Variants in PABPC4L observed in about 807,000 individuals in gnomAD.
PABPC4L encodes the protein polyadenylate-binding protein 4-like.
For synonymous variants in PABPC4L, 169 were observed against 164.1 expected (o/e 1.03, Z -0.23); for missense variants, 452 against 451.4 (o/e 1.00, Z -0.01).
the PABPC4L span, among the ~76,000 whole-genome samples, chr4:134,090,893 A>G: frequency 1.3e-5 from 2 of 152,108 alleles, no homozygotes; most frequent in South Asian, 2.1e-4. Context: ...TGGATTTTCT[A>G]TTGCATTTCC....
chr4:134,126,879 A>G, the PABPC4L span, among the ~76,000 whole-genome samples: 1 of 152,070 alleles, frequency 6.6e-6, no homozygotes, highest in East Asian at 1.9e-4. Context: ...AGCCTGGGGC[A>G]AGTTCTCAGC....
At chr4:134,192,443 C>G (rs1729536323), downstream of PABPC4L, among the ~76,000 whole-genome samples, 1 of 151,926 alleles carries the variant, frequency 6.6e-6, no homozygotes, top group Admixed American at 6.6e-5. Flanking sequence ...GGAAATGTCC[C>G]AAAATTAAAT....
the PABPC4L span, among the ~76,000 whole-genome samples, chr4:133,968,288 A>C: frequency 6.6e-6 from 1 of 152,198 alleles, no homozygotes; most frequent in African/African-American, 2.4e-5. Flanking sequence ...GAGGTCTTAG[A>C]ATAATCTCAT....
the PABPC4L span, among the ~76,000 whole-genome samples, chr4:134,032,186 G>A: frequency 1.3e-5 from 2 of 151,790 alleles, no homozygotes; most frequent in African/African-American, 4.8e-5. Flanking sequence ...CCATAGCAAA[G>A]GCACAATTCC....
the PABPC4L span, among the ~76,000 whole-genome samples, chr4:134,064,941 G>T: frequency 4.7e-4 from 72 of 151,730 alleles, no homozygotes; most frequent in Non-Finnish European, 8.7e-4. Flanking sequence ...GTTTTTTTTG[G>T]CTGTGTAGTA....
At chr4:133,980,763 T>TA in the PABPC4L span, among the ~76,000 whole-genome samples, 71 of 152,118 alleles carry the variant, frequency 4.7e-4, no homozygotes, top group Middle Eastern at 3.4e-3. Flanking sequence ...TTATTAACTT[T>TA]AAAAAAAATG....
At chr4:134,078,019 AAGAT>A in the PABPC4L span, among the ~76,000 whole-genome samples, 6 of 152,222 alleles carry the variant, frequency 3.9e-5, no homozygotes, top group African/African-American at 1.4e-4. Context: ...CAGGACAAAA[AAGAT>A]ATTTAAAAAA....
At chr4:134,011,204 A>T in the PABPC4L span, among the ~76,000 whole-genome samples, 18 of 152,228 alleles carry the variant, frequency 1.2e-4, no homozygotes, top group East Asian at 3.1e-3. Flanking sequence ...TTATATTAGA[A>T]ATTCCCCAAA....
At chr4:134,129,322 G>A in the PABPC4L span, among the ~76,000 whole-genome samples, 48 of 152,082 alleles carry the variant, frequency 3.2e-4, no homozygotes, top group Non-Finnish European at 6.0e-4. Flanking sequence ...TAGAACAAAT[G>A]GATTTCACAG....
chr4:134,200,479 C>T lies in PABPC4L; in HGVS notation c.541G>A (p.Glu181Lys), dbSNP rs267600022. ...RFKNRKDREA[E>K]LRSKASEFTN... ...AATTCACTGGCTTTGCTTCTGAGTT[C>T]AGCTTCACGATCTTTTCGGTTTTTG... is the stretch of plus-strand genomic sequence containing the variant. Residue 181 changes from glutamate (E) to lysine (K), a missense_variant, in exon 2 of 2, where the codon GAA becomes AAA. Transcript: ENST00000421491. The T allele has an allele frequency of 6.4e-7, 1 of 1,551,648 alleles. No homozygotes were observed. The highest frequency in any genetic ancestry group is 8.7e-7 in the Non-Finnish European group (1 of 1,146,994).
At chr4:133,971,529 C>A in the PABPC4L span, among the ~76,000 whole-genome samples, 2 of 152,174 alleles carry the variant, frequency 1.3e-5, no homozygotes, top group Admixed American at 1.3e-4. Context: ...TCTACTCTGT[C>A]CTCCAGTTTC....
chr4:134,005,663 T>C, the PABPC4L span, among the ~76,000 whole-genome samples: 2 of 151,852 alleles, frequency 1.3e-5, no homozygotes, highest in Non-Finnish European at 2.9e-5. Flanking sequence ...GCTTTTCATG[T>C]ACTATAGACA....
the PABPC4L span, among the ~76,000 whole-genome samples, chr4:134,150,215 C>T: frequency 6.6e-6 from 1 of 151,442 alleles, no homozygotes; most frequent in Non-Finnish European, 1.5e-5. Context: ...TCTCAAGTAG[C>T]TGGGATTACA....
chr4:134,137,357 A>G, the PABPC4L span, among the ~76,000 whole-genome samples: 2 of 152,058 alleles, frequency 1.3e-5, no homozygotes, highest in East Asian at 3.9e-4. Flanking sequence ...TCCTTTACTC[A>G]AGGATCTTCT....
chr4:134,146,439 A>G, the PABPC4L span, among the ~76,000 whole-genome samples: 6 of 152,008 alleles, frequency 3.9e-5, no homozygotes, highest in Non-Finnish European at 8.8e-5. Flanking sequence ...TTGGAGAATG[A>G]GAAAAAATGG....
the PABPC4L span, among the ~76,000 whole-genome samples, chr4:134,036,725 C>A: frequency 6.6e-6 from 1 of 151,998 alleles, no homozygotes; most frequent in Non-Finnish European, 1.5e-5. Flanking sequence ...CAGTAACATG[C>A]TGTTTTGATT....
At chr4:134,123,734 T>G in the PABPC4L span, among the ~76,000 whole-genome samples, 1 of 152,104 alleles carries the variant, frequency 6.6e-6, no homozygotes, top group Non-Finnish European at 1.5e-5. Flanking sequence ...ATCATTATGA[T>G]AATTTTAATT....
the PABPC4L span, among the ~76,000 whole-genome samples, chr4:134,096,960 G>A: frequency 6.6e-6 from 1 of 151,886 alleles, no homozygotes; most frequent in Non-Finnish European, 1.5e-5. Context: ...ATAAGCCTAT[G>A]GAGCAATTAT....
the PABPC4L span, among the ~76,000 whole-genome samples, chr4:134,170,707 T>C: frequency 6.6e-6 from 1 of 152,096 alleles, no homozygotes; most frequent in Non-Finnish European, 1.5e-5. Flanking sequence ...AGACCAATCA[T>C]GAGAAATCCA....
Sources: allele counts gnomAD v4.1 joint callset (sites outside exome capture counted in the v4.1 genomes callset), GRCh38; gene constraint gnomAD v4.1.1; transcripts MANE v1.5; gene names NCBI Gene and HGNC (gene_info 2026-07-23, HGNC 2026-07-21).